Variants in IDE observed in about 807,000 individuals in gnomAD.
The protein encoded by IDE is insulin-degrading enzyme.
IDE carries 58 observed loss-of-function variants against 133.2 expected under a neutral mutation model. The observed-to-expected ratio is 0.44, with a 90% CI of 0.35 to 0.54. IDE has a LOEUF of 0.54. IDE is among the 20% of genes least tolerant of loss of function. The pLI is 0.00. For synonymous variants in IDE, 396 were observed against 421.3 expected, an observed-to-expected ratio of 0.94 and a Z score of 0.73; for missense variants, 981 against 1,234.0, an observed-to-expected ratio of 0.79 and a Z score of 3.07.
At chr10:92,487,976 T>C (rs377498085) in intron 12 of IDE, among the ~76,000 whole-genome samples, 3 of 151,920 alleles carry the variant, frequency 2.0e-5, no homozygotes, top group East Asian at 1.9e-4. Context: ...TTCGTATTTT[T>C]AGTAGAGATT....
At chr10:92,480,929 C>G in intron 14 of IDE, 1 of 966,800 alleles carries the variant, frequency 1.0e-6, no homozygotes. Flanking sequence ...GATAAAAAAG[C>G]AAAAATAGGG....
intron 1 of IDE, chr10:92,554,642 G>A (rs1842927275): frequency 6.6e-6 from 1 of 151,932 alleles, no homozygotes; most frequent in Non-Finnish European, 1.5e-5. Context: ...GAAGTCAGGA[G>A]TTCGAGACCA....
rs1387180413 is a variant in IDE at position 92,534,749 on chromosome 10, C to T, written c.320G>A (p.Ser107Asn). The change falls in exon 3 of 25, where the codon AGT (serine) becomes AAT (asparagine). Residue 107 changes from serine to asparagine, a missense_variant. Ser to Asn is a conservative substitution (Grantham distance 46). Coordinates refer to ENST00000265986, the MANE Select transcript of IDE (RefSeq NM_004969.4). ...LSDPPNIAGLSHFCEHMLFLG... is the reference protein window; with the variant it reads ...LSDPPNIAGLNHFCEHMLFLG... ...AAAAAGCATATGTTCACAAAAATGA[C>T]TTAAGCCAGCAATATTTGGAGGATC... 1 of 1,613,600 alleles carries T rather than the reference C, an allele frequency of 6.2e-7. No individual in the cohort carries two copies. The highest frequency in any genetic ancestry group is 8.5e-7 in the Non-Finnish European group (1 of 1,179,940).
chr10:92,563,701 G>A (rs1327280181), intron 1 of IDE, among the ~76,000 whole-genome samples: 1 of 151,836 alleles, frequency 6.6e-6, no homozygotes, highest in Admixed American at 6.6e-5. Context: ...GTTGCAGTGA[G>A]CCGGGATCAC....
At chr10:92,468,257 A>C (rs567224982) in intron 19 of IDE, among the ~76,000 whole-genome samples, 94 of 152,304 alleles carry the variant, frequency 6.2e-4, no homozygotes, top group African/African-American at 1.9e-3. Flanking sequence ...GAACAACCAA[A>C]CAATCAAGCT....
rs1189987718 is a variant in IDE at position 92,556,193 on chromosome 10, A to AAAAAG, written c.98+17728_98+17729insCTTTT. ...AGACTCCGTCTCAAAAAAAAAAAAA[A>AAAAAG]AAAAAAAGAAAGAAAAAAGTAAAAT... is the stretch of plus-strand genomic sequence containing the variant. On this transcript the variant is annotated intron_variant, in intron 1 of 24. Coordinates refer to ENST00000265986, the MANE Select transcript of IDE (RefSeq NM_004969.4). 2.4e-4 allele frequency among the ~76,000 whole-genome samples: 37 copies of AAAAAG among 151,316 alleles called. No homozygotes were observed. In the East Asian group the frequency reaches 7.2e-3, roughly 29 times the overall value.
chr10:92,510,254 C>T (rs1045748780), intron 5 of IDE, 92 bp from the exon 6 acceptor site: 4 of 639,156 alleles, frequency 6.3e-6, no homozygotes, highest in South Asian at 6.1e-5. Flanking sequence ...TGAAAAGTCT[C>T]AGTACTACTG....
chr10:92,536,782 G>A (rs2135699521), intron 2 of IDE, among the ~76,000 whole-genome samples: 1 of 151,976 alleles, frequency 6.6e-6, no homozygotes. Context: ...GCTCACGCCT[G>A]TAATCCCAGC....
In IDE at chr10:92,537,547, G is replaced by C; in HGVS notation, c.102C>G (p.Phe34Leu). The C allele has an allele frequency of 6.3e-7, 1 of 1,585,260 alleles. No individual in the cohort carries two copies. Among genetic ancestry groups the C allele is most frequent in the East Asian group, 2.2e-5 (1 of 44,698 alleles). ...RLPPPERLCG[F>L]QKKTYSKMNN... ...TCATTTTGCTGTAAGTCTTTTTTTG[G>C]AAACTGAAAAGAAAGAGATTTTTAA... Residue 34 changes from phenylalanine (F) to leucine (L), a missense_variant, in exon 2 of 25, where the codon TTC becomes TTG. This residue lies in a region of IDE where 321 missense variants were observed against 339.3 expected (regional missense o/e 0.95). Transcript: ENST00000265986.
chr10:92,507,479 T>C lies in IDE; in HGVS notation c.1245+96A>G, dbSNP rs549002626. On this transcript the variant is annotated intron_variant, in intron 9 of 24. Coordinates refer to ENST00000265986, the MANE Select transcript of IDE (RefSeq NM_004969.4). Reference sequence around the variant, plus strand: ...TAGACTTCAGTTAGGAAAAAAACTTTAAAAGTTTAACTGGGCCTTAAATTT... The same window carrying C: ...TAGACTTCAGTTAGGAAAAAAACTTCAAAAGTTTAACTGGGCCTTAAATTT... The C allele has an allele frequency of 7.9e-6, 6 of 761,226 alleles. No homozygotes were observed. In the East Asian group the frequency reaches 9.7e-5, roughly 12 times the overall value. 47.2% of individuals were successfully genotyped at this position (761,226 alleles called of 1,614,324 possible).
intron 12 of IDE, among the ~76,000 whole-genome samples, chr10:92,487,642 C>T (rs966689371): frequency 5.3e-5 from 8 of 152,182 alleles, no homozygotes; most frequent in African/African-American, 1.9e-4. Flanking sequence ...TATTCTAGCT[C>T]TTTAAAGAAT....
chr10:92,471,361 A>G (rs1425951907), intron 17 of IDE, among the ~76,000 whole-genome samples: 1 of 152,216 alleles, frequency 6.6e-6, no homozygotes, highest in Non-Finnish European at 1.5e-5. Flanking sequence ...ACCACAGATC[A>G]GGAATTTTAC....
At chr10:92,541,096 C>G (rs986742386) in intron 1 of IDE, among the ~76,000 whole-genome samples, 1 of 152,018 alleles carries the variant, frequency 6.6e-6, no homozygotes, top group African/African-American at 2.4e-5. Flanking sequence ...TACTAGTGTA[C>G]AAAGGATCAA....
Position 92,468,944 on chromosome 10 carries a change from T to A in IDE, c.2255A>T (p.His752Leu), listed in dbSNP as rs760898950. ...MQMVEDTLIE[H>L]AHTKPLLPSQ... ...TGGAAGGAGAGGTTTGGTATGAGCA[T>A]GTTCAATGAGGGTGTCTTCAACCAT... The change falls in exon 19 of 25, where the codon CAT becomes CTT. Residue 752 changes from histidine to leucine, a missense_variant. Transcript: ENST00000265986. 6.8e-6 allele frequency: 11 copies of A among 1,613,398 alleles called. No homozygotes were observed. Among genetic ancestry groups the A allele is most frequent in the Non-Finnish European group, 7.6e-6 (9 of 1,179,310 alleles).
At chr10:92,568,531 T>C (rs1424773153) in intron 1 of IDE, among the ~76,000 whole-genome samples, 1 of 152,138 alleles carries the variant, frequency 6.6e-6, no homozygotes, top group Non-Finnish European at 1.5e-5. Flanking sequence ...TATAGAATAA[T>C]ACAGCCGGGC....
At chr10:92,525,366 A>G (rs1314840938) in intron 4 of IDE, among the ~76,000 whole-genome samples, 6 of 152,240 alleles carry the variant, frequency 3.9e-5, no homozygotes, top group Non-Finnish European at 5.9e-5. Context: ...AACGTTCTCA[A>G]CACACTGGGT....
intron 4 of IDE, among the ~76,000 whole-genome samples, chr10:92,526,711 T>C (rs1849638917): frequency 6.6e-6 from 1 of 151,816 alleles, no homozygotes; most frequent in Admixed American, 6.6e-5. Context: ...CTGAGTGTGG[T>C]AGTGTGTGCG....
At chr10:92,508,048 G>T in intron 8 of IDE, 65 bp downstream of exon 8, 2 of 1,106,878 alleles carry the variant, frequency 1.8e-6, no homozygotes, top group Non-Finnish European at 2.7e-6. Context: ...ACAGCATGAA[G>T]AAGTTAAAAA....
intron 11 of IDE, among the ~76,000 whole-genome samples, chr10:92,495,216 CTTTTT>C (rs71028822): frequency 1.4e-5 from 1 of 73,442 alleles, no homozygotes; most frequent in Non-Finnish European, 2.5e-5. Context: ...TCACACTCGG[CTTTTT>C]TTTTTTTTTT....
Sources: gnomAD v4.1 joint callset for allele counts (sites outside exome capture counted in the v4.1 genomes callset) on GRCh38, gnomAD v4.1.1 for gene constraint, gnomAD v4.1.1 regional missense constraint, MANE v1.5 for transcripts, NCBI Gene and HGNC (gene_info 2026-07-23, HGNC 2026-07-21) for gene names.